TTYH2: variants seen among roughly 807,000 people sequenced by gnomAD.
TTYH2 encodes the protein tweety family member 2.
A neutral mutation model predicts 68.3 loss-of-function variants in TTYH2; 49 were observed. The observed-to-expected ratio is 0.72, with a 90% CI of 0.57 to 0.91. The LOEUF is 0.91. TTYH2 is among the 40% of genes least tolerant of loss of function. TTYH2 has a pLI of 0.00. For synonymous variants in TTYH2, 272 were observed against 300.8 expected, an observed-to-expected ratio of 0.90 and a Z score of 0.99; for missense variants, 631 against 700.4, an observed-to-expected ratio of 0.90 and a Z score of 1.12.
intron 1 of TTYH2, among the ~76,000 whole-genome samples, chr17:74,218,364 G>A (rs1014148836): frequency 1.3e-4 from 20 of 151,886 alleles, no homozygotes; most frequent in African/African-American, 4.6e-4. Context: ...GGTTTGGGAA[G>A]TAACTCCCTA....
Position 74,253,950 on chromosome 17 carries a change from T to C in TTYH2, c.1524+117T>C, listed in dbSNP as rs1002595349. 4.4e-6 allele frequency: 5 copies of C among 1,129,536 alleles called. No individual in the cohort carries two copies. The African/African-American group carries it at 6.2e-5, about 14-fold the overall frequency. 70.0% of individuals were successfully genotyped at this position (1,129,536 alleles called of 1,614,324 possible). On this transcript the variant is annotated intron_variant, in intron 13 of 13. Coordinates refer to ENST00000269346, the MANE Select transcript of TTYH2 (RefSeq NM_032646.6). ...AGAATGAAACTGTTCTGTTATTGAA[T>C]ATGCACTAAACCAGACCGTCGTGGG... is the stretch of plus-strand genomic sequence containing the variant.
At position 74,243,439 on chromosome 17, in the gene TTYH2, T is replaced by C; in HGVS notation, c.701T>C (p.Leu234Pro). 6.2e-7 allele frequency: 1 copy of C among 1,614,214 alleles called. No individual in the cohort carries two copies. Among genetic ancestry groups the C allele is most frequent in the Non-Finnish European group, 8.5e-7 (1 of 1,180,032 alleles). Reference protein sequence around the residue: ...LVICLIACLGLAKRSKCLLAS... With the variant: ...LVICLIACLGPAKRSKCLLAS... ...ATCTGCCTCATTGCCTGCCTGGGAC[T>C]GGCCAAGCGCTCCAAGTGTCTCCTG... The change falls in exon 5 of 14, where the codon CTG (leucine) becomes CCG (proline). Residue 234 changes from leucine (L) to proline (P), a missense_variant. Leu to Pro is a moderately conservative substitution (Grantham distance 98). Coordinates refer to ENST00000269346, the MANE Select transcript of TTYH2 (RefSeq NM_032646.6).
Position 74,215,852 on chromosome 17 carries a change from TG to T in TTYH2, c.129+2140del. ...ACTGGAGCAAGTGCTATGCCAGGCG[TG>T]GGGTGACCGTGGTAACCAAGGCAGC... On this transcript the variant is annotated intron_variant, in intron 1 of 13. Coordinates refer to ENST00000269346, the MANE Select transcript of TTYH2 (RefSeq NM_032646.6). This position sits in a 1 kb window ranked among gnomAD's most constrained non-coding sequence, Gnocchi z 4.3. The T allele has an allele frequency of 1.2e-6, 1 of 841,590 alleles. No individual in the cohort carries two copies. Among genetic ancestry groups the T allele is most frequent in the Non-Finnish European group, 1.9e-6 (1 of 540,012 alleles). The allele number at this position is 841,590 out of a possible 1,614,324, so 52.1% of individuals were successfully genotyped here.
At position 74,260,302 on chromosome 17, in the gene TTYH2, C is replaced by G. The variant is rs1016358219; in HGVS notation, c.*93C>G. 1.8e-5 allele frequency: 24 copies of G among 1,368,734 alleles called. No homozygotes were observed. Among genetic ancestry groups the G allele is most frequent in the South Asian group, 3.5e-5 (3 of 85,036 alleles). The allele number at this position is 1,368,734 out of a possible 1,614,324, so 84.8% of individuals were successfully genotyped here. A position where few individuals can be genotyped will look rare whatever the true frequency, so the allele number is the denominator to read the frequency against. ...TTTCTTTAATAGAAACCAAAGGCAT[C>G]TGGAGCCCGAGAGGCCTCCTGCTGT... On this transcript the variant is annotated 3_prime_UTR_variant, in exon 14 of 14. Transcript: ENST00000269346.
chr17:74,242,853 G>C (rs1467463431), intron 4 of TTYH2, among the ~76,000 whole-genome samples: 1 of 152,200 alleles, frequency 6.6e-6, no homozygotes, highest in African/African-American at 2.4e-5. Flanking sequence ...GATGCTGTCT[G>C]AGAGTTCTAG....
At chr17:74,216,055 T>C (rs547056503) in intron 1 of TTYH2, among the ~76,000 whole-genome samples, 10 of 152,340 alleles carry the variant, frequency 6.6e-5, no homozygotes, top group African/African-American at 2.2e-4. Context: ...CCTTGTTCCC[T>C]TCATCTGCAA....
rs2050197910 is a variant in TTYH2, at chr17:74,214,028, G to C, written c.129+312G>C. On this transcript the variant is annotated intron_variant, in intron 1 of 13. Transcript: ENST00000269346. The surrounding 1 kb of genome is among the most constrained non-coding windows in gnomAD (Gnocchi z 4.6). Reference sequence around the variant, plus strand: ...AACGCTGAGCGGGCAGGGCGGCGCGGGGGAGGGGTAAGGACAGGGGCATTC... The same window carrying C: ...AACGCTGAGCGGGCAGGGCGGCGCGCGGGAGGGGTAAGGACAGGGGCATTC... Among the ~76,000 whole-genome samples, 2 of 152,188 alleles carry C rather than the reference G, an allele frequency of 1.3e-5. No individual in the cohort carries two copies. Among genetic ancestry groups the C allele is most frequent in the South Asian group, 2.1e-4 (1 of 4,838 alleles).
intron 3 of TTYH2, among the ~76,000 whole-genome samples, chr17:74,235,065 G>A (rs7208628): frequency 0.15 from 22,922 of 151,996 alleles, 1,780 homozygotes; most frequent in Non-Finnish European, 0.16. Context: ...TAACCAACTC[G>A]TAAGAACCAA....
intron 3 of TTYH2, among the ~76,000 whole-genome samples, chr17:74,236,243 G>A (rs534800567): frequency 2.6e-5 from 4 of 152,156 alleles, no homozygotes; most frequent in South Asian, 2.1e-4. Context: ...AGACAGGATC[G>A]CAGCTGTTTT....
At position 74,253,926 on chromosome 17, in the gene TTYH2, G is replaced by A. The variant is rs1266650250; in HGVS notation, c.1524+93G>A. On this transcript the variant is annotated intron_variant, in intron 13 of 13. Coordinates refer to ENST00000269346, the MANE Select transcript of TTYH2 (RefSeq NM_032646.6). ...GAATCCTGTCCACAAAGGCAGAAAA[G>A]AATGAAACTGTTCTGTTATTGAATA... is the stretch of plus-strand genomic sequence containing the variant. The A allele has an allele frequency of 1.2e-5, 16 of 1,332,622 alleles. No homozygotes were observed. The African/African-American group carries it at 1.6e-4, about 13-fold the overall frequency. The allele number at this position is 1,332,622 out of a possible 1,614,324, so 82.5% of individuals were successfully genotyped here.
At chr17:74,260,038 C>A in intron 13 of TTYH2, 91 bp from the exon 14 acceptor site, 1 of 1,173,428 alleles carries the variant, frequency 8.5e-7, no homozygotes, top group Non-Finnish European at 1.3e-6. Flanking sequence ...GACACCCGAC[C>A]CAGTTCCACT....
At chr17:74,259,323 C>T (rs967482958) in intron 13 of TTYH2, among the ~76,000 whole-genome samples, 24 of 152,248 alleles carry the variant, frequency 1.6e-4, no homozygotes, top group African/African-American at 5.8e-4. Context: ...ACCTTCTCCT[C>T]CTGCCTCAGC....
chr17:74,218,638 G>A lies in TTYH2; in HGVS notation c.130-3847G>A, dbSNP rs569446127. Among the ~76,000 whole-genome samples the A allele has an allele frequency of 8.3e-4, 127 of 152,336 alleles. 1 individual carries two copies. In the Middle Eastern group the frequency reaches 0.02, roughly 24 times the overall value. On this transcript the variant is annotated intron_variant, in intron 1 of 13. Transcript: ENST00000269346. Reference sequence around the variant, plus strand: ...ATTGAGGCCAGCTGCCCAGCTTGGAGAGGCCCCAGGCCACAGGGGCTCAGC... The same window carrying A: ...ATTGAGGCCAGCTGCCCAGCTTGGAAAGGCCCCAGGCCACAGGGGCTCAGC...
intron 13 of TTYH2, among the ~76,000 whole-genome samples, chr17:74,255,108 C>T (rs2050679855): frequency 6.6e-6 from 1 of 152,220 alleles, no homozygotes; most frequent in South Asian, 2.1e-4. Context: ...CTGGCTGAGA[C>T]AAAGAAAGCT....
chr17:74,236,302 C>T lies in TTYH2; in HGVS notation c.415-992C>T, dbSNP rs531709535. Among the ~76,000 whole-genome samples, 374 of 152,296 alleles carry T rather than the reference C, an allele frequency of 2.5e-3. 1 individual carries two copies. Among genetic ancestry groups the T allele is most frequent in the African/African-American group, 8.4e-3 (351 of 41,550 alleles). On this transcript the variant is annotated intron_variant, in intron 3 of 13. Transcript: ENST00000269346. ...CTGCCTTCACTCAGCGTTCAGGACCCGGTGTGCTGCGGCTAGTGCCACAAC... is the reference window on the plus strand; with the variant it reads ...CTGCCTTCACTCAGCGTTCAGGACCTGGTGTGCTGCGGCTAGTGCCACAAC...
chr17:74,237,214 T>A (rs763657663), intron 3 of TTYH2, 80 bp from the exon 4 acceptor site: 13 of 1,441,344 alleles, frequency 9.0e-6, no homozygotes, highest in Non-Finnish European at 1.3e-5. Flanking sequence ...CAGGCCACCT[T>A]CTGCTGCCTG....
rs1198677373 is a variant in TTYH2, at chr17:74,215,244, G to T, written c.129+1528G>T. 1.3e-5 allele frequency among the ~76,000 whole-genome samples: 2 copies of T among 151,512 alleles called. No individual in the cohort carries two copies. Among genetic ancestry groups the T allele is most frequent in the Admixed American group, 1.3e-4 (2 of 15,224 alleles). Reference sequence around the variant, plus strand: ...CTGTGCCCCACATCCCACACCCGGGGTCTCCAGCCATAGTTTTCTCCTCTC... The same window carrying T: ...CTGTGCCCCACATCCCACACCCGGGTTCTCCAGCCATAGTTTTCTCCTCTC... On this transcript the variant is annotated intron_variant, in intron 1 of 13. Transcript: ENST00000269346. The surrounding 1 kb of genome is among the most constrained non-coding windows in gnomAD (Gnocchi z 4.3).
chr17:74,219,387 C>CAAAAAAAAAAAAAAAAAAACAAA (rs1031171600), intron 1 of TTYH2, among the ~76,000 whole-genome samples: 1 of 88,506 alleles, frequency 1.1e-5, no homozygotes, highest in African/African-American at 5.9e-5. Context: ...GACTCCGTGT[C>CAAAAAAAAAAAAAAAAAAACAAA]AAAAAAAAAA....
intron 6 of TTYH2, among the ~76,000 whole-genome samples, chr17:74,247,335 C>T (rs79409348): frequency 8.5e-5 from 13 of 152,140 alleles, no homozygotes; most frequent in Non-Finnish European, 1.5e-4. Flanking sequence ...TGGACCATTT[C>T]GACATGCACA....
Sources: gnomAD v4.1 joint callset for allele counts (sites outside exome capture counted in the v4.1 genomes callset) on GRCh38, gnomAD v4.1.1 for gene constraint, Gnocchi (gnomAD v3.1) non-coding constraint, MANE v1.5 for transcripts, NCBI Gene and HGNC (gene_info 2026-07-23, HGNC 2026-07-21) for gene names.